DENND1A: variants seen among roughly 807,000 people sequenced by gnomAD.
DENND1A encodes the protein DENN domain-containing protein 1A.
Under a neutral mutation model 113.7 loss-of-function variants are expected in DENND1A, and 51 were observed. That is an observed-to-expected ratio of 0.45 (90% CI 0.36 to 0.57). The LOEUF is 0.57. Among genes scored for constraint, DENND1A ranks in the 20% least tolerant of loss-of-function variants. The pLI is 0.00. For synonymous variants in DENND1A, 565 were observed against 570.8 expected, an observed-to-expected ratio of 0.99 and a Z score of 0.14; for missense variants, 1,258 against 1,395.9, an observed-to-expected ratio of 0.90 and a Z score of 1.57.
intron 13 of DENND1A, among the ~76,000 whole-genome samples, chr9:123,513,441 C>T (rs985579570): frequency 6.6e-6 from 1 of 152,236 alleles, no homozygotes; most frequent in Non-Finnish European, 1.5e-5. Context: ...AACCGAGGCA[C>T]TGGAATTTTC....
chr9:123,728,729 C>T (rs140656025), intron 5 of DENND1A, among the ~76,000 whole-genome samples: 1 of 152,000 alleles, frequency 6.6e-6, no homozygotes, highest in Non-Finnish European at 1.5e-5. Context: ...TATGATGCCA[C>T]GATTAAGACA....
intron 2 of DENND1A, among the ~76,000 whole-genome samples, chr9:123,868,197 G>A (rs192566589): frequency 1.3e-5 from 2 of 152,316 alleles, no homozygotes; most frequent in East Asian, 3.9e-4. Flanking sequence ...TAACTGCTGA[G>A]CAATATTGCA....
chr9:123,530,555 T>C (rs1384485149), intron 13 of DENND1A, among the ~76,000 whole-genome samples: 1 of 152,170 alleles, frequency 6.6e-6, no homozygotes, highest in Non-Finnish European at 1.5e-5. Flanking sequence ...AGTAAACTCA[T>C]GGGAAAATAA....
intron 13 of DENND1A, among the ~76,000 whole-genome samples, chr9:123,460,401 A>C (rs976694123): frequency 2.6e-5 from 4 of 152,150 alleles, no homozygotes; most frequent in African/African-American, 9.7e-5. Flanking sequence ...AGCATCACTC[A>C]TCCACTGATG....
chr9:123,706,558 T>C (rs1036242344), intron 5 of DENND1A, among the ~76,000 whole-genome samples: 2 of 150,178 alleles, frequency 1.3e-5, no homozygotes, highest in African/African-American at 4.9e-5. Context: ...GATCACGAGG[T>C]CAGGAAATCG....
rs541980878 is a variant in DENND1A, at chr9:123,657,578, C to T, written c.508-5455G>A. On this transcript the variant is annotated intron_variant, in intron 8 of 23. Coordinates refer to ENST00000394215, the MANE Select transcript of DENND1A (RefSeq NM_001352964.2). The stretch of plus-strand genomic sequence containing the variant: ...GATGCTAGTCCGCCCCACTGTCTGT[C>T]ATTTTATTAGTCTTTGTGACTTTCC... 5.3e-5 allele frequency among the ~76,000 whole-genome samples: 8 copies of T among 152,292 alleles called. No homozygotes were observed. The South Asian group carries it at 1.7e-3, about 32-fold the overall frequency.
In DENND1A at chr9:123,757,773, T is replaced by C. The variant is rs773579482; in HGVS notation, c.232A>G (p.Ile78Val). 8 of 1,614,128 alleles carry C rather than the reference T, an allele frequency of 5.0e-6. No individual in the cohort carries two copies. The South Asian group carries it at 5.5e-5, about 11-fold the overall frequency. The change falls in exon 5 of 24, where the codon ATT becomes GTT. Residue 78 changes from isoleucine to valine, a missense_variant. By Grantham distance (29) the Ile-to-Val change is conservative (BLOSUM62 3). This residue lies in a region of DENND1A where 99 missense variants were observed against 164.2 expected (regional missense o/e 0.60). Coordinates refer to ENST00000394215, the MANE Select transcript of DENND1A (RefSeq NM_001352964.2). ...AACCCGAATCTCTGTTTGCTGTCAA[T>C]GTCAGTGAGCACGAATGTGAAGTTC... The part of the protein sequence containing the change: ...GQNFTFVLTD[I>V]DSKQRFGFCR...
intron 5 of DENND1A, among the ~76,000 whole-genome samples, chr9:123,720,028 C>T (rs144487691): frequency 1.8e-3 from 278 of 152,304 alleles, no homozygotes; most frequent in Non-Finnish European, 2.3e-3. Context: ...GCCTAAGTAC[C>T]GACCACAAAT....
rs181406894 is a variant in DENND1A, at chr9:123,644,720, G to T, written c.618+7293C>A. Among the ~76,000 whole-genome samples the T allele has an allele frequency of 2.4e-3, 371 of 152,294 alleles. 1 individual carries two copies. Among genetic ancestry groups the T allele is most frequent in the Middle Eastern group, 0.02 (6 of 294 alleles). On this transcript the variant is annotated intron_variant, in intron 9 of 23. Coordinates refer to ENST00000394215, the MANE Select transcript of DENND1A (RefSeq NM_001352964.2). ...TGTTTCTCCCTTTCCAGAAGCCAAA[G>T]CCTCCTTCCCCTGACACTGCATCAT...
chr9:123,815,597 G>T (rs970477977), intron 2 of DENND1A, among the ~76,000 whole-genome samples: 1 of 152,162 alleles, frequency 6.6e-6, no homozygotes, highest in South Asian at 2.1e-4. Flanking sequence ...TGTTTAAAAT[G>T]ATATTCTCAA....
chr9:123,625,212 G>A (rs1430672317), intron 10 of DENND1A, among the ~76,000 whole-genome samples: 1 of 152,092 alleles, frequency 6.6e-6, no homozygotes, highest in African/African-American at 2.4e-5. Context: ...AAAGCTCTTG[G>A]GGCCTTGGTC....
chr9:123,520,225 G>A (rs1564641197), intron 13 of DENND1A, among the ~76,000 whole-genome samples: 1 of 151,612 alleles, frequency 6.6e-6, no homozygotes, highest in African/African-American at 2.4e-5. Context: ...CAGAGGCTGA[G>A]GTGGGTGGAT....
intron 3 of DENND1A, among the ~76,000 whole-genome samples, chr9:123,786,076 G>C (rs1371924539): frequency 1.3e-5 from 2 of 152,088 alleles, no homozygotes; most frequent in Non-Finnish European, 2.9e-5. Flanking sequence ...AGCAGAGTAT[G>C]TTGGCACACA....
At chr9:123,576,380 C>T (rs1206559961) in intron 12 of DENND1A, among the ~76,000 whole-genome samples, 1 of 152,224 alleles carries the variant, frequency 6.6e-6, no homozygotes, top group Non-Finnish European at 1.5e-5. Flanking sequence ...TGGTTCTCTT[C>T]ACTTCCTTAC....
intron 21 of DENND1A, among the ~76,000 whole-genome samples, chr9:123,396,249 G>A (rs2043133071): frequency 1.3e-5 from 2 of 152,236 alleles, no homozygotes; most frequent in African/African-American, 4.8e-5. Flanking sequence ...TAAGAAAGGA[G>A]GACCAGGAGA....
At chr9:123,912,499 A>C (rs531406478) in intron 1 of DENND1A, among the ~76,000 whole-genome samples, 54 of 152,314 alleles carry the variant, frequency 3.5e-4, no homozygotes, top group African/African-American at 1.2e-3. Flanking sequence ...AAAATTTTTT[A>C]AGAAAATACT....
Position 123,772,231 on chromosome 9 carries a change from T to C in DENND1A, c.133-2668A>G, listed in dbSNP as rs530014039. Among the ~76,000 whole-genome samples the C allele has an allele frequency of 5.3e-5, 8 of 152,320 alleles. No homozygotes were observed. The South Asian group carries it at 1.7e-3, about 32-fold the overall frequency. On this transcript the variant is annotated intron_variant, in intron 3 of 23. Coordinates refer to ENST00000394215, the MANE Select transcript of DENND1A (RefSeq NM_001352964.2). ...TGTTTTCCTTACACATAAACATTCA[T>C]GTCTTATCATCTTTTCCCAAAGAAA...
At chr9:123,532,471 G>A (rs149276950) in intron 13 of DENND1A, among the ~76,000 whole-genome samples, 13 of 152,280 alleles carry the variant, frequency 8.5e-5, no homozygotes, top group Non-Finnish European at 1.2e-4. Flanking sequence ...ATTTTGAAGA[G>A]TACAGGCCAG....
chr9:123,739,014 G>A (rs1338926854), intron 5 of DENND1A, among the ~76,000 whole-genome samples: 1 of 152,160 alleles, frequency 6.6e-6, no homozygotes, highest in South Asian at 2.1e-4. Context: ...AACCTTTCGT[G>A]TGGCTTTTAG....
Sources: allele counts gnomAD v4.1 joint callset (sites outside exome capture counted in the v4.1 genomes callset), GRCh38; gene constraint gnomAD v4.1.1; regional missense constraint gnomAD v4.1.1; transcripts MANE v1.5; gene names NCBI Gene and HGNC (gene_info 2026-07-23, HGNC 2026-07-21).